BMP6: variants seen among roughly 807,000 people sequenced by gnomAD.
The protein encoded by BMP6 is bone morphogenetic protein 6.
BMP6 carries 17 observed loss-of-function variants against 54.1 expected under a neutral mutation model. That is an observed-to-expected ratio of 0.31 (90% CI 0.22 to 0.47). The LOEUF is 0.47. Among genes scored for constraint, BMP6 ranks in the 20% least tolerant of loss-of-function variants. BMP6 has a pLI of 1.00. For missense variants in BMP6, 720 were observed against 690.4 expected (o/e 1.04, Z -0.48); for synonymous variants, 328 against 291.2 (o/e 1.13, Z -1.28).
Position 7,727,284 on chromosome 6 carries a change from A to C in BMP6, c.329A>C (p.Gln110Pro). Reference protein sequence around the residue: ...QQPQPPALRQQEEQQQQQQLP... With the variant: ...QQPQPPALRQPEEQQQQQQLP... ...CCGCAGCCCCCGGCGCTCCGGCAGC[A>C]GGAGGAGCAGCAGCAGCAGCAGCAG... is the stretch of plus-strand genomic sequence containing the variant. Residue 110 changes from glutamine to proline, a missense_variant, in exon 1 of 7, where the codon CAG (glutamine) becomes CCG (proline). Around this residue, in one of 3 missense-constraint regions of BMP6, gnomAD observed 650 missense variants for 556.3 expected, o/e 1.17. Transcript: ENST00000283147. The C allele has an allele frequency of 5.0e-6, 8 of 1,606,602 alleles. No homozygotes were observed. Among genetic ancestry groups the C allele is most frequent in the Non-Finnish European group, 6.8e-6 (8 of 1,177,318 alleles).
intron 1 of BMP6, among the ~76,000 whole-genome samples, chr6:7,823,950 C>A (rs1758653426): frequency 6.6e-6 from 1 of 152,164 alleles, no homozygotes; most frequent in East Asian, 1.9e-4. Flanking sequence ...GGAATGATAT[C>A]ATCTGGTTTA....
At chr6:7,816,321 C>T (rs114512983) in intron 1 of BMP6, among the ~76,000 whole-genome samples, 2 of 152,314 alleles carry the variant, frequency 1.3e-5, no homozygotes, top group African/African-American at 2.4e-5. Flanking sequence ...TAATCCCCTC[C>T]GTAATCCACA....
chr6:7,812,726 A>G (rs1159580608), intron 1 of BMP6, among the ~76,000 whole-genome samples: 1 of 152,146 alleles, frequency 6.6e-6, no homozygotes, highest in Non-Finnish European at 1.5e-5. Context: ...AATATGTAGA[A>G]CACATGAAAA....
At chr6:7,752,956 G>T (rs1757449195) in intron 1 of BMP6, among the ~76,000 whole-genome samples, 1 of 152,068 alleles carries the variant, frequency 6.6e-6, no homozygotes, top group African/African-American at 2.4e-5. Flanking sequence ...AAGAAACTGG[G>T]TCAGCCAGGA....
In BMP6 at chr6:7,727,479, C is replaced by T; in HGVS notation, c.524C>T (p.Pro175Leu). The T allele has an allele frequency of 6.3e-7, 1 of 1,594,316 alleles. No individual in the cohort carries two copies. Among genetic ancestry groups the T allele is most frequent in the Non-Finnish European group, 8.5e-7 (1 of 1,175,224 alleles). Residue 175 changes from proline to leucine, a missense_variant, in exon 1 of 7, where the codon CCC becomes CTC. Transcript: ENST00000283147. ...AASSSQRRQP[P>L]PGAAHPLNRK... ...AGCTCGTCCCAGCGTCGGCAGCCGCCCCCGGGCGCCGCGCACCCGCTCAAC... is the reference window on the plus strand; with the variant it reads ...AGCTCGTCCCAGCGTCGGCAGCCGCTCCCGGGCGCCGCGCACCCGCTCAAC...
At chr6:7,823,047 A>T (rs531318940) in intron 1 of BMP6, among the ~76,000 whole-genome samples, 5 of 152,244 alleles carry the variant, frequency 3.3e-5, no homozygotes, top group South Asian at 4.1e-4. Context: ...TTCTTGTAAC[A>T]TTCTGAACCC....
chr6:7,802,550 T>C (rs1391998841), intron 1 of BMP6, among the ~76,000 whole-genome samples: 2 of 152,196 alleles, frequency 1.3e-5, no homozygotes, highest in African/African-American at 4.8e-5. Flanking sequence ...AGCATGACAC[T>C]AGATTTGTGG....
At chr6:7,763,187 C>T (rs747459197) in intron 1 of BMP6, among the ~76,000 whole-genome samples, 7 of 152,170 alleles carry the variant, frequency 4.6e-5, no homozygotes, top group Admixed American at 6.5e-5. Flanking sequence ...AAAGTTCTCC[C>T]GTGTTTTCAG....
intron 1 of BMP6, among the ~76,000 whole-genome samples, chr6:7,769,772 T>A (rs1757755001): frequency 6.6e-6 from 1 of 152,236 alleles, no homozygotes. Context: ...TGATCTTGAA[T>A]TTTTGAGTCC....
intron 1 of BMP6, among the ~76,000 whole-genome samples, chr6:7,819,322 A>G (rs910807895): frequency 6.6e-6 from 1 of 152,174 alleles, no homozygotes; most frequent in Non-Finnish European, 1.5e-5. Context: ...GTATAATTGC[A>G]TATATACTTC....
At chr6:7,872,106 A>G (rs1193401568) in intron 4 of BMP6, among the ~76,000 whole-genome samples, 2 of 152,048 alleles carry the variant, frequency 1.3e-5, no homozygotes. Context: ...CCTGCCCTTG[A>G]CTGGTGAATC....
intron 4 of BMP6, among the ~76,000 whole-genome samples, chr6:7,871,361 C>G (rs1326981224): frequency 6.6e-6 from 1 of 152,230 alleles, no homozygotes; most frequent in African/African-American, 2.4e-5. Flanking sequence ...GATACATTCT[C>G]AAAGCTCAGA....
chr6:7,813,108 A>AAT (rs1182296124), intron 1 of BMP6, among the ~76,000 whole-genome samples: 546 of 21,482 alleles, frequency 0.025, 13 homozygotes, highest in Middle Eastern at 0.091. Context: ...AAAAAAAAAA[A>AAT]ATATATATAT....
chr6:7,793,583 C>G (rs1758144706), intron 1 of BMP6, among the ~76,000 whole-genome samples: 1 of 151,870 alleles, frequency 6.6e-6, no homozygotes, highest in Non-Finnish European at 1.5e-5. Flanking sequence ...CACTTTGGTG[C>G]AGGATGTTGA....
At chr6:7,750,166 G>A (rs561610545) in intron 1 of BMP6, among the ~76,000 whole-genome samples, 3 of 152,322 alleles carry the variant, frequency 2.0e-5, no homozygotes, top group South Asian at 2.1e-4. Context: ...ACATTTGAGC[G>A]TGCTAGCTCA....
chr6:7,832,474 C>T (rs1360769772), intron 1 of BMP6, among the ~76,000 whole-genome samples: 1 of 152,080 alleles, frequency 6.6e-6, no homozygotes, highest in African/African-American at 2.4e-5. Flanking sequence ...TGGTCTTAGA[C>T]TTCCAGCCCC....
chr6:7,740,221 G>A (rs1326237332), intron 1 of BMP6, among the ~76,000 whole-genome samples: 1 of 152,170 alleles, frequency 6.6e-6, no homozygotes, highest in Non-Finnish European at 1.5e-5. Context: ...AGATGCATCT[G>A]CAGAGATGTC....
intron 1 of BMP6, among the ~76,000 whole-genome samples, chr6:7,829,888 T>C (rs1285931649): frequency 2.6e-5 from 4 of 152,188 alleles, no homozygotes; most frequent in Non-Finnish European, 4.4e-5. Flanking sequence ...TTATTGATAC[T>C]ACATTCCAGT....
intron 4 of BMP6, among the ~76,000 whole-genome samples, chr6:7,863,079 A>G (rs1448159989): frequency 6.6e-6 from 1 of 152,070 alleles, no homozygotes; most frequent in East Asian, 1.9e-4. Flanking sequence ...GCTCACTGCA[A>G]GCTCCGCCTC....
Sources: gnomAD v4.1 joint callset for allele counts (sites outside exome capture counted in the v4.1 genomes callset) on GRCh38, gnomAD v4.1.1 for gene constraint, gnomAD v4.1.1 regional missense constraint, MANE v1.5 for transcripts, NCBI Gene and HGNC (gene_info 2026-07-23, HGNC 2026-07-21) for gene names.